RNF152: variants seen among roughly 807,000 people sequenced by gnomAD.
RNF152 encodes ring finger protein 152.
In RNF152, 11 loss-of-function variants were observed where a neutral mutation model predicts 12.7. The observed-to-expected ratio is 0.86, with a 90% CI of 0.54 to 1.43. RNF152 has a LOEUF of 1.43. Ranked by LOEUF, RNF152 falls within the 40% of genes most tolerant of loss-of-function variation. The pLI is 0.00. For synonymous variants in RNF152, 113 were observed against 120.3 expected, an observed-to-expected ratio of 0.94 and a Z score of 0.40; for missense variants, 255 against 274.8, an observed-to-expected ratio of 0.93 and a Z score of 0.51.
chr18:61,808,387 T>TAAAAAAAAAAAAAA lies in RNF152; in HGVS notation c.*7451_*7464dup, dbSNP rs34966668. 4 of 50,792 alleles carry TAAAAAAAAAAAAAA rather than the reference T, an allele frequency of 7.9e-5. No individual in the cohort carries two copies. Among genetic ancestry groups the TAAAAAAAAAAAAAA allele is most frequent in the African/African-American group, 2.1e-4 (3 of 14,114 alleles). The allele number at this position is 50,792 out of a possible 1,614,324, so 3.1% of individuals were successfully genotyped here. A position where few individuals can be genotyped will look rare whatever the true frequency, so the allele number is the denominator to read the frequency against. On this transcript the variant is annotated 3_prime_UTR_variant, in exon 2 of 2. Coordinates refer to ENST00000312828, the MANE Select transcript of RNF152 (RefSeq NM_173557.3). ...TTTATCTGTAGGGCTATTTGGCCCT[T>TAAAAAAAAAAAAAA]AAAAAAAAAAAAAAAAAAAAAAAAA...
chr18:61,822,126 T>G (rs1348953649), intron 1 of RNF152, among the ~76,000 whole-genome samples: 1 of 152,138 alleles, frequency 6.6e-6, no homozygotes, highest in Non-Finnish European at 1.5e-5. Context: ...AGAACAATTT[T>G]TAAATGTCAC....
chr18:61,855,806 A>G (rs969868353), intron 1 of RNF152, among the ~76,000 whole-genome samples: 1 of 152,224 alleles, frequency 6.6e-6, no homozygotes, highest in African/African-American at 2.4e-5. Flanking sequence ...CCCAGCAGGT[A>G]CGAGCAATAC....
At chr18:61,849,920 C>T (rs935425560) in intron 1 of RNF152, among the ~76,000 whole-genome samples, 1 of 152,216 alleles carries the variant, frequency 6.6e-6, no homozygotes, top group African/African-American at 2.4e-5. Context: ...CTATCAAGTA[C>T]TGTGTGACCT....
At chr18:61,860,401 C>T (rs1042223554) in intron 1 of RNF152, among the ~76,000 whole-genome samples, 3 of 152,198 alleles carry the variant, frequency 2.0e-5, no homozygotes, top group African/African-American at 4.8e-5. Flanking sequence ...AATAACAGAT[C>T]ACATAGAAGA....
intron 1 of RNF152, among the ~76,000 whole-genome samples, chr18:61,829,816 A>T (rs1271882931): frequency 6.6e-6 from 1 of 152,092 alleles, no homozygotes; most frequent in Non-Finnish European, 1.5e-5. Flanking sequence ...TGGAAGAGAA[A>T]GACCAGTCCC....
chr18:61,866,160 G>A lies in RNF152; in HGVS notation c.-136+26635C>T, dbSNP rs190270016. Among the ~76,000 whole-genome samples, 4 of 152,172 alleles carry A rather than the reference G, an allele frequency of 2.6e-5. No homozygotes were observed. The East Asian group carries it at 7.7e-4, about 29-fold the overall frequency. Reference sequence around the variant, plus strand: ...GGCCCCACCCCCTGTGGTAACCCCTGCCCAAATCATCACAAAGCCCAGCAA... The same window carrying A: ...GGCCCCACCCCCTGTGGTAACCCCTACCCAAATCATCACAAAGCCCAGCAA... On this transcript the variant is annotated intron_variant, in intron 1 of 1. Transcript: ENST00000312828.
intron 1 of RNF152, among the ~76,000 whole-genome samples, chr18:61,857,758 T>A (rs61119907): frequency 6.6e-6 from 1 of 152,198 alleles, no homozygotes; most frequent in Non-Finnish European, 1.5e-5. Flanking sequence ...TAGTTTTGGA[T>A]AATAGCCTAT....
In RNF152 at chr18:61,844,178, A is replaced by G. The variant is rs754369303; in HGVS notation, c.-135-27580T>C. On this transcript the variant is annotated intron_variant, in intron 1 of 1. Coordinates refer to ENST00000312828, the MANE Select transcript of RNF152 (RefSeq NM_173557.3). The stretch of plus-strand genomic sequence containing the variant: ...GGAAGGAAGGGAGGAAGGGAGGAAG[A>G]GAGGAAGGAAGGAAGGGAAGGAGGG... Among the ~76,000 whole-genome samples the G allele has an allele frequency of 3.1e-3, 178 of 56,706 alleles. 2 individuals are homozygous for G. The Middle Eastern group carries it at 0.037, about 12-fold the overall frequency. The allele number at this position is 56,706 out of a possible 152,430, so 37.2% of individuals were successfully genotyped here.
At chr18:61,858,675 T>C (rs1911332164) in intron 1 of RNF152, among the ~76,000 whole-genome samples, 1 of 152,162 alleles carries the variant, frequency 6.6e-6, no homozygotes, top group Non-Finnish European at 1.5e-5. Flanking sequence ...ACTGAAATCC[T>C]GCATCCTAGC....
At chr18:61,823,620 A>G (rs1909522289) in intron 1 of RNF152, among the ~76,000 whole-genome samples, 1 of 152,344 alleles carries the variant, frequency 6.6e-6, no homozygotes, top group African/African-American at 2.4e-5. Context: ...TAAGATGTTT[A>G]CATATTTAAA....
chr18:61,870,155 C>T (rs145529949), intron 1 of RNF152, among the ~76,000 whole-genome samples: 13 of 152,278 alleles, frequency 8.5e-5, no homozygotes, highest in East Asian at 5.8e-4. Context: ...ACATTTATCA[C>T]GAATACCCTG....
At chr18:61,882,616 G>A (rs572251994) in intron 1 of RNF152, among the ~76,000 whole-genome samples, 3 of 152,192 alleles carry the variant, frequency 2.0e-5, no homozygotes, top group Admixed American at 2.0e-4. Context: ...CTAAATACTA[G>A]AAGAACTGGT....
At chr18:61,891,747 G>A (rs1912968840) in intron 1 of RNF152, among the ~76,000 whole-genome samples, 1 of 152,158 alleles carries the variant, frequency 6.6e-6, no homozygotes, top group African/African-American at 2.4e-5. Context: ...CTACATTGGA[G>A]GTGAATAATA....
chr18:61,876,285 C>T (rs750184105), intron 1 of RNF152, among the ~76,000 whole-genome samples: 1 of 152,188 alleles, frequency 6.6e-6, no homozygotes, highest in East Asian at 1.9e-4. Flanking sequence ...TCCCTTTGTA[C>T]GCATGTTCTT....
In RNF152 at chr18:61,808,387, TAAAAAAAAAAAAA is replaced by T. The variant is rs34966668; in HGVS notation, c.*7452_*7464del. 5.9e-5 allele frequency: 3 copies of T among 50,792 alleles called. No homozygotes were observed. The highest frequency in any genetic ancestry group is 7.8e-5 in the Non-Finnish European group (2 of 25,772). The allele number at this position is 50,792 out of a possible 1,614,324, so 3.1% of individuals were successfully genotyped here. ...TTTATCTGTAGGGCTATTTGGCCCT[TAAAAAAAAAAAAA>T]AAAAAAAAAAAAGCTCCTAAAATAA... is the stretch of plus-strand genomic sequence containing the variant. On this transcript the variant is annotated 3_prime_UTR_variant, in exon 2 of 2. Coordinates refer to ENST00000312828, the MANE Select transcript of RNF152 (RefSeq NM_173557.3).
chr18:61,821,191 C>T (rs1259721607), intron 1 of RNF152, among the ~76,000 whole-genome samples: 1 of 152,214 alleles, frequency 6.6e-6, no homozygotes, highest in Non-Finnish European at 1.5e-5. Flanking sequence ...GTCAACAAAA[C>T]CAATATGCAA....
intron 1 of RNF152, among the ~76,000 whole-genome samples, chr18:61,873,191 T>C (rs1187663497): frequency 6.6e-6 from 1 of 152,120 alleles, no homozygotes; most frequent in African/African-American, 2.4e-5. Flanking sequence ...GAGAATGAAA[T>C]TGGGTAACTT....
At chr18:61,838,188 T>C (rs1303156884) in intron 1 of RNF152, among the ~76,000 whole-genome samples, 1 of 152,204 alleles carries the variant, frequency 6.6e-6, no homozygotes. Flanking sequence ...CTTTGTTTCC[T>C]CTAGAGCAAG....
Position 61,869,600 on chromosome 18 carries a change from T to C in RNF152, c.-136+23195A>G, listed in dbSNP as rs116983854. Among the ~76,000 whole-genome samples the C allele has an allele frequency of 6.2e-3, 951 of 152,314 alleles. 4 individuals are homozygous for C. The highest frequency in any genetic ancestry group is 0.01 in the Non-Finnish European group (710 of 68,026). ...CCTTCAATAAAGGATGTAGCAAAGT[T>C]TGGCATCAAGAACTTAGCTGATCCA... On this transcript the variant is annotated intron_variant, in intron 1 of 1. Coordinates refer to ENST00000312828, the MANE Select transcript of RNF152 (RefSeq NM_173557.3).
Sources: gnomAD v4.1 joint callset for allele counts (sites outside exome capture counted in the v4.1 genomes callset) on GRCh38, gnomAD v4.1.1 for gene constraint, MANE v1.5 for transcripts, NCBI Gene and HGNC (gene_info 2026-07-23, HGNC 2026-07-21) for gene names.